Variants in SNTG1 observed in about 807,000 individuals in gnomAD.
The protein encoded by SNTG1 is syntrophin gamma 1, also known as gamma-1-syntrophin.
SNTG1 carries 39 observed loss-of-function variants against 74.7 expected under a neutral mutation model. The ratio of observed to expected loss-of-function variants is 0.52; its 90% CI spans 0.40 to 0.68. SNTG1 has a LOEUF of 0.68. SNTG1 is among the 30% of genes least tolerant of loss of function. The pLI, the probability that SNTG1 is intolerant of heterozygous loss-of-function variation, is 0.00. For synonymous variants in SNTG1, 254 were observed against 217.1 expected (o/e 1.17, Z -1.49); for missense variants, 685 against 609.5 (o/e 1.12, Z -1.30).
chr8:49,930,219 T>C (rs185006270), intron 1 of SNTG1, among the ~76,000 whole-genome samples: 1 of 151,522 alleles, frequency 6.6e-6, no homozygotes, highest in East Asian at 2.0e-4. Flanking sequence ...AGAGATAGTA[T>C]GAGAAAGACA....
At chr8:50,520,536 T>C (rs1213921226) in intron 9 of SNTG1, among the ~76,000 whole-genome samples, 4 of 152,128 alleles carry the variant, frequency 2.6e-5, no homozygotes, top group Admixed American at 2.0e-4. Flanking sequence ...AGGCAAAGGC[T>C]GATATCCAGA....
chr8:50,212,985 C>A (rs1020431679), intron 2 of SNTG1, among the ~76,000 whole-genome samples: 4 of 152,176 alleles, frequency 2.6e-5, no homozygotes, highest in Admixed American at 6.5e-5. Context: ...ATGCCTCTCC[C>A]AATAAACTCC....
intron 1 of SNTG1, among the ~76,000 whole-genome samples, chr8:49,916,831 C>G (rs897455981): frequency 3.3e-5 from 5 of 151,326 alleles, no homozygotes; most frequent in African/African-American, 7.3e-5. Context: ...CACAGTGAGA[C>G]CTCGTTTCTT....
At chr8:50,651,547 G>A (rs536255958) in intron 13 of SNTG1, among the ~76,000 whole-genome samples, 18 of 140,608 alleles carry the variant, frequency 1.3e-4, no homozygotes, top group Admixed American at 1.3e-3. Context: ...AACCTCCACC[G>A]CCCAGGTTCA....
At chr8:50,227,921 CA>C (rs60255876) in intron 2 of SNTG1, among the ~76,000 whole-genome samples, 60 of 136,204 alleles carry the variant, frequency 4.4e-4, no homozygotes, top group African/African-American at 1.4e-3. Context: ...AAACAACAAC[CA>C]AAAAAAAAAA....
intron 4 of SNTG1, among the ~76,000 whole-genome samples, chr8:50,415,057 A>T (rs1478478935): frequency 6.6e-6 from 1 of 152,196 alleles, no homozygotes; most frequent in Non-Finnish European, 1.5e-5. Flanking sequence ...TTAAATTATT[A>T]TCCTGGATGA....
At chr8:50,075,853 G>A (rs1183929745) in intron 1 of SNTG1, among the ~76,000 whole-genome samples, 1 of 152,022 alleles carries the variant, frequency 6.6e-6, no homozygotes, top group Non-Finnish European at 1.5e-5. Flanking sequence ...TGAAGCCAGC[G>A]AGACCAGGAA....
At chr8:50,091,041 A>T (rs2079714755) in intron 1 of SNTG1, among the ~76,000 whole-genome samples, 1 of 152,108 alleles carries the variant, frequency 6.6e-6, no homozygotes, top group African/African-American at 2.4e-5. Context: ...TGTTTTCAAG[A>T]TGAATTCTTA....
At chr8:50,064,572 T>C (rs1472221735) in intron 1 of SNTG1, among the ~76,000 whole-genome samples, 1 of 152,224 alleles carries the variant, frequency 6.6e-6, no homozygotes, top group Non-Finnish European at 1.5e-5. Flanking sequence ...TCACCCTCAA[T>C]GCTGATCACT....
chr8:49,971,176 C>T (rs192610915), intron 1 of SNTG1, among the ~76,000 whole-genome samples: 1 of 152,166 alleles, frequency 6.6e-6, no homozygotes, highest in South Asian at 2.1e-4. Flanking sequence ...TCACCATGAT[C>T]AAGAGGGCTT....
At chr8:49,998,255 G>A (rs2130407905) in intron 1 of SNTG1, among the ~76,000 whole-genome samples, 1 of 152,248 alleles carries the variant, frequency 6.6e-6, no homozygotes, top group African/African-American at 2.4e-5. Context: ...CCGTGGCTCT[G>A]GATAAGTGAG....
chr8:49,968,894 A>G (rs971706889), intron 1 of SNTG1, among the ~76,000 whole-genome samples: 2 of 152,184 alleles, frequency 1.3e-5, no homozygotes, highest in East Asian at 1.9e-4. Context: ...GATGAGCACT[A>G]CAGGCAAAGG....
chr8:50,149,488 T>A (rs530886318), intron 1 of SNTG1, among the ~76,000 whole-genome samples: 1 of 152,310 alleles, frequency 6.6e-6, no homozygotes, highest in Non-Finnish European at 1.5e-5. Flanking sequence ...CTGAATAGTA[T>A]TGGCTAGGTT....
chr8:50,296,746 T>G (rs2089396774), intron 2 of SNTG1, among the ~76,000 whole-genome samples: 1 of 152,156 alleles, frequency 6.6e-6, no homozygotes, highest in Non-Finnish European at 1.5e-5. Flanking sequence ...AACCTGAATG[T>G]TCTGCACATG....
chr8:50,105,149 T>C (rs2080315385), intron 1 of SNTG1, among the ~76,000 whole-genome samples: 3 of 152,156 alleles, frequency 2.0e-5, no homozygotes, highest in African/African-American at 7.2e-5. Flanking sequence ...TTTCCAGGGC[T>C]TTTATAGTTT....
chr8:50,745,067 G>A (rs143784177), intron 17 of SNTG1, among the ~76,000 whole-genome samples: 10 of 152,060 alleles, frequency 6.6e-5, no homozygotes, highest in Non-Finnish European at 1.0e-4. Context: ...ACATTAAAGC[G>A]AATGACTTTT....
At chr8:50,682,033 G>A (rs2131392902) in intron 15 of SNTG1, among the ~76,000 whole-genome samples, 1 of 152,284 alleles carries the variant, frequency 6.6e-6, no homozygotes, top group Middle Eastern at 3.4e-3. Context: ...CCACTGTTGT[G>A]ACACTGGTGT....
intron 15 of SNTG1, among the ~76,000 whole-genome samples, chr8:50,660,992 A>G (rs1307620186): frequency 2.0e-5 from 3 of 152,148 alleles, no homozygotes; most frequent in Admixed American, 2.0e-4. Flanking sequence ...GTATTCATTG[A>G]GTCCACTTTA....
chr8:50,362,704 G>C (rs914816898), intron 2 of SNTG1, among the ~76,000 whole-genome samples: 2 of 151,946 alleles, frequency 1.3e-5, no homozygotes, highest in Non-Finnish European at 2.9e-5. Context: ...TGTTTATTAG[G>C]ATTTTAGGTT....
Sources: gnomAD v4.1 joint callset for allele counts (sites outside exome capture counted in the v4.1 genomes callset) on GRCh38, gnomAD v4.1.1 for gene constraint, MANE v1.5 for transcripts, NCBI Gene and HGNC (gene_info 2026-07-23, HGNC 2026-07-21) for gene names.